Variants in CHIC2 observed in about 807,000 individuals in gnomAD.
CHIC2 encodes the protein cysteine rich hydrophobic domain 2.
In CHIC2, 14 loss-of-function variants were observed where a neutral mutation model predicts 25.9. The observed-to-expected ratio is 0.54, with a 90% confidence interval of 0.36 to 0.85. CHIC2 has a LOEUF of 0.85. Among genes scored for constraint, CHIC2 ranks in the 40% least tolerant of loss-of-function variants. CHIC2 has a pLI of 0.01. For synonymous variants in CHIC2, 70 were observed against 72.0 expected, an observed-to-expected ratio of 0.97 and a Z score of 0.14; for missense variants, 146 against 202.0, an observed-to-expected ratio of 0.72 and a Z score of 1.68.
chr4:54,064,417 C>G lies in CHIC2; in HGVS notation c.-117G>C. On this transcript the variant is annotated 5_prime_UTR_variant, in exon 1 of 6. Coordinates refer to ENST00000263921, the MANE Select transcript of CHIC2 (RefSeq NM_012110.4). This position sits in a 1 kb window ranked among gnomAD's most constrained non-coding sequence, Gnocchi z 4.2. ...TCGCCGCTGCCGCCGGCTCCGAGGC[C>G]GCGGAGTTCGCTGTCGGCTGTCTCG... 2.0e-6 allele frequency: 3 copies of G among 1,528,442 alleles called. No homozygotes were observed. The highest frequency in any genetic ancestry group is 2.6e-6 in the Non-Finnish European group (3 of 1,140,752). The allele number at this position is 1,528,442 out of a possible 1,614,324, so 94.7% of individuals were successfully genotyped here.
intron 3 of CHIC2, among the ~76,000 whole-genome samples, chr4:54,019,830 G>C (rs1715844557): frequency 6.6e-6 from 1 of 151,998 alleles, no homozygotes; most frequent in South Asian, 2.1e-4. Flanking sequence ...AAATGCGCTT[G>C]GGTTGGGGCA....
intron 1 of CHIC2, among the ~76,000 whole-genome samples, chr4:54,063,739 G>A (rs1436982806): frequency 6.6e-6 from 1 of 152,254 alleles, no homozygotes; most frequent in Admixed American, 6.5e-5. Flanking sequence ...ACACGAAACG[G>A]AGCTTCGCTG....
At chr4:54,029,202 T>C (rs28418394) in intron 3 of CHIC2, among the ~76,000 whole-genome samples, 9,548 of 152,208 alleles carry the variant, frequency 0.063, 1,013 homozygotes, top group African/African-American at 0.21. Context: ...AAGATGTTTC[T>C]GATTTAAATA....
chr4:54,090,192 T>C, the CHIC2 span, among the ~76,000 whole-genome samples: 1 of 151,870 alleles, frequency 6.6e-6, no homozygotes, highest in Non-Finnish European at 1.5e-5. Context: ...TTATTTTATA[T>C]ATATATATTT....
chr4:54,024,664 A>G (rs1467298871), intron 3 of CHIC2, among the ~76,000 whole-genome samples: 1 of 152,228 alleles, frequency 6.6e-6, no homozygotes, highest in Non-Finnish European at 1.5e-5. Context: ...CTGGTATATG[A>G]CAACATAATA....
intron 3 of CHIC2, among the ~76,000 whole-genome samples, chr4:54,038,885 C>T (rs1319779364): frequency 7.9e-5 from 12 of 151,862 alleles, no homozygotes; most frequent in African/African-American, 2.2e-4. Flanking sequence ...AAAAAAGCTA[C>T]AGTAAACTAG....
At chr4:54,072,266 C>A in the CHIC2 span, among the ~76,000 whole-genome samples, 2 of 151,288 alleles carry the variant, frequency 1.3e-5, no homozygotes, top group Non-Finnish European at 2.9e-5. Flanking sequence ...TGCGCCACTG[C>A]ACTCCAGCCT....
At chr4:54,061,403 A>C (rs1717328673) in intron 1 of CHIC2, among the ~76,000 whole-genome samples, 1 of 152,182 alleles carries the variant, frequency 6.6e-6, no homozygotes, top group Admixed American at 6.5e-5. Flanking sequence ...TACATCTGTG[A>C]AAAACATATG....
chr4:54,043,997 T>A (rs532313305), intron 3 of CHIC2, among the ~76,000 whole-genome samples: 3 of 152,238 alleles, frequency 2.0e-5, no homozygotes, highest in Non-Finnish European at 4.4e-5. Context: ...AGGCAGGGGT[T>A]GCAATCCTAG....
At chr4:54,064,680 G>T, upstream of CHIC2, 1 of 1,026,704 alleles carries the variant, frequency 9.7e-7, no homozygotes, top group Non-Finnish European at 1.2e-6. This position sits in a 1 kb window ranked among gnomAD's most constrained non-coding sequence, Gnocchi z 4.2. Context: ...CCAACGGGCG[G>T]GCGGGCGCGT....
At chr4:54,090,116 A>T in the CHIC2 span, among the ~76,000 whole-genome samples, 1 of 152,170 alleles carries the variant, frequency 6.6e-6, no homozygotes, top group Non-Finnish European at 1.5e-5. Flanking sequence ...CTTCAGACAC[A>T]TCTGGTCCCA....
the CHIC2 span, among the ~76,000 whole-genome samples, chr4:54,072,733 C>T: frequency 2.0e-5 from 3 of 152,160 alleles, no homozygotes; most frequent in African/African-American, 7.2e-5. Context: ...TCTGAGGACA[C>T]ACAAAACAAG....
chr4:54,089,136 G>A, the CHIC2 span, among the ~76,000 whole-genome samples: 1 of 152,144 alleles, frequency 6.6e-6, no homozygotes, highest in African/African-American at 2.4e-5. Flanking sequence ...TGAGACCTCA[G>A]TCTCCCTACT....
intron 3 of CHIC2, among the ~76,000 whole-genome samples, chr4:54,015,380 C>G (rs1013442650): frequency 6.6e-6 from 1 of 152,104 alleles, no homozygotes; most frequent in Non-Finnish European, 1.5e-5. Flanking sequence ...TAACAATGAT[C>G]AGCAGACCTC....
At chr4:54,088,264 G>A in the CHIC2 span, among the ~76,000 whole-genome samples, 63,133 of 151,810 alleles carry the variant, frequency 0.42, 14,256 homozygotes, top group African/African-American at 0.6. Flanking sequence ...TAGGCATTCT[G>A]TCTTTGCGCA....
chr4:54,035,902 A>G (rs968030372), intron 3 of CHIC2, among the ~76,000 whole-genome samples: 2 of 152,176 alleles, frequency 1.3e-5, no homozygotes, highest in Non-Finnish European at 2.9e-5. Context: ...TTGTGTTTTA[A>G]TCTTCATTTA....
intron 3 of CHIC2, among the ~76,000 whole-genome samples, chr4:54,046,727 A>T (rs1363138835): frequency 6.6e-6 from 1 of 152,236 alleles, no homozygotes; most frequent in Non-Finnish European, 1.5e-5. Context: ...ACCATTCAGG[A>T]CATAGGCATG....
chr4:54,039,732 C>T (rs1361651454), intron 3 of CHIC2, among the ~76,000 whole-genome samples: 1 of 152,086 alleles, frequency 6.6e-6, no homozygotes, highest in African/African-American at 2.4e-5. Context: ...CTTGTGTTCA[C>T]ACAAAAACAT....
the CHIC2 span, among the ~76,000 whole-genome samples, chr4:54,091,740 A>T: frequency 2.6e-5 from 4 of 152,168 alleles, no homozygotes; most frequent in South Asian, 6.2e-4. Flanking sequence ...CCTCATTCTA[A>T]TTCACTTTTC....
Sources: gnomAD v4.1 joint callset for allele counts (sites outside exome capture counted in the v4.1 genomes callset) on GRCh38, gnomAD v4.1.1 for gene constraint, Gnocchi (gnomAD v3.1) non-coding constraint, MANE v1.5 for transcripts, NCBI Gene and HGNC (gene_info 2026-07-23, HGNC 2026-07-21) for gene names.